Variants in CDH18 observed in about 807,000 individuals in gnomAD.
CDH18 encodes the protein cadherin 18, also known as cadherin-18.
CDH18 carries 31 observed loss-of-function variants against 67.9 expected under a neutral mutation model. The observed-to-expected ratio is 0.46, with a 90% CI of 0.34 to 0.62. CDH18 has a LOEUF of 0.62. CDH18 is among the 20% of genes least tolerant of loss of function. The pLI is 0.01. For missense variants in CDH18, 890 were observed against 975.5 expected (o/e 0.91, Z 1.17); for synonymous variants, 362 against 347.2 (o/e 1.04, Z -0.48).
chr5:20,404,535 C>T (rs546150293), intron 1 of CDH18, among the ~76,000 whole-genome samples: 1 of 152,100 alleles, frequency 6.6e-6, no homozygotes, highest in South Asian at 2.1e-4. Context: ...ATAAGGAGGC[C>T]TGATGAGAGG....
intron 1 of CDH18, among the ~76,000 whole-genome samples, chr5:20,260,984 C>T (rs1368433585): frequency 6.6e-6 from 1 of 152,130 alleles, no homozygotes; most frequent in Non-Finnish European, 1.5e-5. Flanking sequence ...TAACTCAGGC[C>T]TACAGGCCTG....
intron 5 of CDH18, among the ~76,000 whole-genome samples, chr5:19,669,924 G>A (rs1344648297): frequency 6.6e-6 from 1 of 152,034 alleles, no homozygotes; most frequent in African/African-American, 2.4e-5. Flanking sequence ...ACATCTAGTG[G>A]GGATGTGAGT....
chr5:19,532,372 G>A (rs1198563240), intron 9 of CDH18, among the ~76,000 whole-genome samples: 1 of 152,070 alleles, frequency 6.6e-6, no homozygotes, highest in Non-Finnish European at 1.5e-5. Context: ...TAGTTAAGAA[G>A]TACCTTATAC....
chr5:19,639,290 C>T lies in CDH18; in HGVS notation c.644-26689G>A, dbSNP rs147696756. Among the ~76,000 whole-genome samples, 30 of 152,104 alleles carry T rather than the reference C, an allele frequency of 2.0e-4. 1 individual carries two copies. In the East Asian group the frequency reaches 5.6e-3, roughly 29 times the overall value. On this transcript the variant is annotated intron_variant, in intron 5 of 12. Coordinates refer to ENST00000382275, the MANE Select transcript of CDH18 (RefSeq NM_004934.5). ...TACTGGGATTACAGGCGTGAGCCACCGCGCCCGGCCTGATGGCTGGGAAGT... is the reference window on the plus strand; with the variant it reads ...TACTGGGATTACAGGCGTGAGCCACTGCGCCCGGCCTGATGGCTGGGAAGT...
intron 1 of CDH18, among the ~76,000 whole-genome samples, chr5:20,264,928 G>T (rs1744918291): frequency 6.6e-6 from 1 of 151,950 alleles, no homozygotes. Flanking sequence ...AGTTTCCCAA[G>T]AATGATTTTC....
intron 2 of CDH18, among the ~76,000 whole-genome samples, chr5:20,141,895 C>T (rs1026729031): frequency 5.3e-5 from 8 of 151,340 alleles, no homozygotes; most frequent in Non-Finnish European, 1.0e-4. Flanking sequence ...ACTATTAATA[C>T]TAATATTAAA....
chr5:20,393,318 T>G (rs934999661), intron 1 of CDH18, among the ~76,000 whole-genome samples: 7 of 152,010 alleles, frequency 4.6e-5, no homozygotes, highest in Non-Finnish European at 1.0e-4. Flanking sequence ...TTGTATCACA[T>G]TTTAGAAGCA....
intron 3 of CDH18, among the ~76,000 whole-genome samples, chr5:19,775,108 A>C (rs1205443744): frequency 1.3e-5 from 2 of 152,114 alleles, no homozygotes; most frequent in Non-Finnish European, 2.9e-5. Context: ...GCAGCAGTGA[A>C]TGGGAAAAGC....
chr5:20,280,586 T>C (rs571988711), intron 1 of CDH18, among the ~76,000 whole-genome samples: 1 of 152,222 alleles, frequency 6.6e-6, no homozygotes, highest in Non-Finnish European at 1.5e-5. Context: ...ATGTGCCACA[T>C]TTTCTTAATC....
At chr5:19,799,166 C>T (rs1285372167) in intron 3 of CDH18, among the ~76,000 whole-genome samples, 1 of 151,990 alleles carries the variant, frequency 6.6e-6, no homozygotes, top group Non-Finnish European at 1.5e-5. Flanking sequence ...GCAAATACTA[C>T]ATCATTTCAC....
intron 2 of CDH18, among the ~76,000 whole-genome samples, chr5:20,112,077 A>T (rs1014845145): frequency 6.6e-6 from 1 of 152,162 alleles, no homozygotes; most frequent in Non-Finnish European, 1.5e-5. Flanking sequence ...TTAAGTTCAC[A>T]CACTTATTAA....
chr5:20,401,088 C>T (rs758821606), intron 1 of CDH18, among the ~76,000 whole-genome samples: 2 of 152,146 alleles, frequency 1.3e-5, no homozygotes, highest in Non-Finnish European at 2.9e-5. Context: ...GTGTCTTCAA[C>T]ATTTTTCCAG....
chr5:20,268,091 C>T (rs1745173775), intron 1 of CDH18, among the ~76,000 whole-genome samples: 1 of 152,140 alleles, frequency 6.6e-6, no homozygotes, highest in Admixed American at 6.6e-5. Flanking sequence ...AGGATAATTG[C>T]CTCCAGTTGC....
In CDH18 at chr5:20,426,134, T is replaced by C. The variant is rs189997428; in HGVS notation, c.-580+149328A>G. Among the ~76,000 whole-genome samples, 206 of 151,416 alleles carry C rather than the reference T, an allele frequency of 1.4e-3. 14 individuals carry two copies. The highest frequency in any genetic ancestry group is 4.7e-3 in the African/African-American group (192 of 40,732). On this transcript the variant is annotated intron_variant, in intron 1 of 14. Transcript: ENST00000507958. ...CTAATTCCATCTCCATCACTTATTGTGTGACCTTGGCCAAGTTACATGACA... is the reference window on the plus strand; with the variant it reads ...CTAATTCCATCTCCATCACTTATTGCGTGACCTTGGCCAAGTTACATGACA...
chr5:19,740,481 G>A (rs955897410), intron 4 of CDH18, among the ~76,000 whole-genome samples: 7 of 151,990 alleles, frequency 4.6e-5, no homozygotes, highest in African/African-American at 1.4e-4. Flanking sequence ...AGAAATTTGA[G>A]AATGTCTCCA....
At chr5:20,274,347 A>G (rs1388149881) in intron 1 of CDH18, among the ~76,000 whole-genome samples, 1 of 152,166 alleles carries the variant, frequency 6.6e-6, no homozygotes, top group Non-Finnish European at 1.5e-5. Context: ...CAAAATAATT[A>G]TACTGAGTGA....
chr5:19,544,336 A>G (rs2127085819), intron 8 of CDH18, among the ~76,000 whole-genome samples: 1 of 152,264 alleles, frequency 6.6e-6, no homozygotes, highest in Admixed American at 6.5e-5. Flanking sequence ...TTTAATGAAA[A>G]AAAATATTAA....
chr5:20,416,125 TATC>T (rs1362577622), intron 1 of CDH18, among the ~76,000 whole-genome samples: 1 of 152,164 alleles, frequency 6.6e-6, no homozygotes, highest in African/African-American at 2.4e-5. Context: ...AGAGAGTAGA[TATC>T]ATGTTAAGTG....
chr5:20,098,249 A>T (rs1055607549), intron 2 of CDH18, among the ~76,000 whole-genome samples: 2 of 152,114 alleles, frequency 1.3e-5, no homozygotes, highest in African/African-American at 4.8e-5. Context: ...TTTAATCAGT[A>T]AAACCTCAAA....
Sources: gnomAD v4.1 joint callset for allele counts (sites outside exome capture counted in the v4.1 genomes callset) on GRCh38, gnomAD v4.1.1 for gene constraint, MANE v1.5 for transcripts, NCBI Gene and HGNC (gene_info 2026-07-23, HGNC 2026-07-21) for gene names.